EPHA7: variants seen among roughly 807,000 people sequenced by gnomAD.
EPHA7 encodes the protein EPH receptor A7, also known as ephrin type-A receptor 7.
In EPHA7, 25 loss-of-function variants were observed where a neutral mutation model predicts 112.6. The ratio of observed to expected loss-of-function variants is 0.22; its 90% CI spans 0.16 to 0.31. The LOEUF (loss-of-function observed/expected upper bound fraction) is 0.31, where lower values mean the gene tolerates loss of function less well. Among genes scored for constraint, EPHA7 ranks in the 10% least tolerant of loss-of-function variants. The pLI, the probability that EPHA7 is intolerant of heterozygous loss-of-function variation, is 1.00. For synonymous variants in EPHA7, 437 were observed against 406.5 expected (o/e 1.07, Z -0.90); for missense variants, 962 against 1,212.6 (o/e 0.79, Z 3.07).
At chr6:93,416,538 TA>T (rs772984743) in intron 1 of EPHA7, among the ~76,000 whole-genome samples, 4 of 151,942 alleles carry the variant, frequency 2.6e-5, no homozygotes, top group Non-Finnish European at 4.4e-5. Context: ...ACTAACAAAT[TA>T]AAACAAAACA....
intron 5 of EPHA7, among the ~76,000 whole-genome samples, chr6:93,329,933 T>C (rs1412436842): frequency 1.3e-5 from 2 of 151,270 alleles, no homozygotes; most frequent in Admixed American, 1.3e-4. Context: ...TTATTAGCAA[T>C]GTAAACTCTC....
At chr6:93,316,727 A>G (rs1773832149) in intron 5 of EPHA7, among the ~76,000 whole-genome samples, 1 of 152,136 alleles carries the variant, frequency 6.6e-6, no homozygotes, top group Admixed American at 6.5e-5. Context: ...ATGTCTGATT[A>G]TATTTCAGAA....
intron 16 of EPHA7, among the ~76,000 whole-genome samples, chr6:93,244,649 A>G (rs1288551649): frequency 6.6e-6 from 1 of 152,114 alleles, no homozygotes; most frequent in Non-Finnish European, 1.5e-5. Context: ...AGAAATTTCA[A>G]AAGTTGCTTT....
intron 5 of EPHA7, among the ~76,000 whole-genome samples, chr6:93,295,501 C>A (rs2127842433): frequency 6.6e-6 from 1 of 151,210 alleles, no homozygotes; most frequent in East Asian, 1.9e-4. Flanking sequence ...ATAGATATTT[C>A]TTTATCTAAT....
intron 14 of EPHA7, among the ~76,000 whole-genome samples, chr6:93,249,281 A>G (rs1159975723): frequency 6.6e-6 from 1 of 152,224 alleles, no homozygotes; most frequent in Non-Finnish European, 1.5e-5. Context: ...AGGAGAAATT[A>G]TATTTTTTAA....
chr6:93,317,312 A>G (rs903218163), intron 5 of EPHA7, among the ~76,000 whole-genome samples: 1 of 152,170 alleles, frequency 6.6e-6, no homozygotes, highest in Non-Finnish European at 1.5e-5. Context: ...CACATTTCCC[A>G]TACATAACAG....
chr6:93,335,182 C>T (rs1446783420), intron 5 of EPHA7, among the ~76,000 whole-genome samples: 1 of 152,062 alleles, frequency 6.6e-6, no homozygotes, highest in African/African-American at 2.4e-5. Context: ...CAGAATGTAT[C>T]CTTCAATGTA....
intron 1 of EPHA7, among the ~76,000 whole-genome samples, chr6:93,416,429 T>G (rs1430742317): frequency 6.6e-6 from 1 of 152,154 alleles, no homozygotes; most frequent in Non-Finnish European, 1.5e-5. Context: ...ATTGCGAGAT[T>G]ACTGTTTATT....
chr6:93,286,085 T>C (rs1162034533), intron 5 of EPHA7, among the ~76,000 whole-genome samples: 1 of 152,198 alleles, frequency 6.6e-6, no homozygotes, highest in Non-Finnish European at 1.5e-5. Context: ...AGTTACAGTC[T>C]GTTTGGCTTC....
chr6:93,242,416 T>C lies in EPHA7; in HGVS notation c.*1010A>G, dbSNP rs1295412830. 1 of 194,062 alleles carries C rather than the reference T, an allele frequency of 5.2e-6. No individual in the cohort carries two copies. Among genetic ancestry groups the C allele is most frequent in the Non-Finnish European group, 1.1e-5 (1 of 92,824 alleles). The allele number at this position is 194,062 out of a possible 1,614,324, so 12.0% of individuals were successfully genotyped here. On this transcript the variant is annotated 3_prime_UTR_variant, in exon 17 of 17. Transcript: ENST00000369303. ...GGACTGCATTCAACAGAAGAGGATA[T>C]AAAATATATGTCAACTATTTATCCT...
intron 10 of EPHA7, 105 bp from the exon 11 acceptor site, chr6:93,258,389 T>C: frequency 1.7e-6 from 2 of 1,168,786 alleles, no homozygotes; most frequent in Admixed American, 2.5e-5. Flanking sequence ...AGTAAATTAT[T>C]TGAAAGCATT....
chr6:93,399,719 T>C (rs1778347975), intron 3 of EPHA7, among the ~76,000 whole-genome samples: 1 of 152,004 alleles, frequency 6.6e-6, no homozygotes, highest in African/African-American at 2.4e-5. Context: ...TATATATGCG[T>C]GCTTTTGGAT....
intron 5 of EPHA7, among the ~76,000 whole-genome samples, chr6:93,321,907 T>C (rs962280889): frequency 6.6e-6 from 1 of 151,868 alleles, no homozygotes; most frequent in Admixed American, 6.6e-5. Context: ...AAGAGCACAA[T>C]TTGGGGTTTG....
intron 5 of EPHA7, among the ~76,000 whole-genome samples, chr6:93,318,859 A>G (rs1391811781): frequency 2.0e-5 from 3 of 152,178 alleles, no homozygotes; most frequent in African/African-American, 7.2e-5. Context: ...AAAGGAAAAG[A>G]AAAACAGTGG....
intron 3 of EPHA7, among the ~76,000 whole-genome samples, chr6:93,403,844 T>A (rs1279405227): frequency 6.6e-6 from 1 of 151,946 alleles, no homozygotes; most frequent in Admixed American, 6.6e-5. Context: ...GTAACCAACA[T>A]CAGAATTTGA....
At chr6:93,398,278 T>C (rs1235063830) in intron 3 of EPHA7, among the ~76,000 whole-genome samples, 1 of 151,996 alleles carries the variant, frequency 6.6e-6, no homozygotes, top group Admixed American at 6.6e-5. Flanking sequence ...TTAAGTACTC[T>C]TATAAACATC....
chr6:93,258,408 T>C lies in EPHA7; in HGVS notation c.1925-124A>G, dbSNP rs761600367. 4 of 1,038,172 alleles carry C rather than the reference T, an allele frequency of 3.9e-6. No homozygotes were observed. In the East Asian group the frequency reaches 7.9e-5, roughly 20 times the overall value. 64.3% of individuals were successfully genotyped at this position (1,038,172 alleles called of 1,614,324 possible). ...AATTATTTGAAAGCATTTTAAAATA[T>C]TTTCAAAAATACTTGGTAAAGCCCT... On this transcript the variant is annotated intron_variant, in intron 10 of 16. Transcript: ENST00000369303.
intron 5 of EPHA7, among the ~76,000 whole-genome samples, chr6:93,302,457 ACAATT>A (rs1423064105): frequency 6.6e-6 from 1 of 152,022 alleles, no homozygotes; most frequent in East Asian, 1.9e-4. Flanking sequence ...TTTATACTTA[ACAATT>A]TCCAGGGTGC....
chr6:93,410,047 C>A lies in EPHA7; in HGVS notation c.832+454G>T. The A allele has an allele frequency of 6.5e-6, 1 of 154,598 alleles. No individual in the cohort carries two copies. The highest frequency in any genetic ancestry group is 2.0e-4 in the South Asian group (1 of 4,960). 9.6% of individuals were successfully genotyped at this position (154,598 alleles called of 1,614,324 possible). A position where few individuals can be genotyped will look rare whatever the true frequency, so the allele number is the denominator to read the frequency against. On this transcript the variant is annotated intron_variant, in intron 3 of 16. Transcript: ENST00000369303. The surrounding 1 kb of genome is among the most constrained non-coding windows in gnomAD (Gnocchi z 4.0). ...GTTTGTAAATATATTCGTTTATGCCCTGCCTGTCACTAGAGCTCTTATTCA... is the reference window on the plus strand; with the variant it reads ...GTTTGTAAATATATTCGTTTATGCCATGCCTGTCACTAGAGCTCTTATTCA...
Sources: allele counts gnomAD v4.1 joint callset (sites outside exome capture counted in the v4.1 genomes callset), GRCh38; gene constraint gnomAD v4.1.1; non-coding constraint Gnocchi (gnomAD v3.1); transcripts MANE v1.5; gene names NCBI Gene and HGNC (gene_info 2026-07-23, HGNC 2026-07-21).